CDC25A: variants seen among roughly 807,000 people sequenced by gnomAD.
The protein encoded by CDC25A is M-phase inducer phosphatase 1.
In CDC25A, 17 loss-of-function variants were observed where a neutral mutation model predicts 64.6. That is an observed-to-expected ratio of 0.26 (90% CI 0.18 to 0.39). The LOEUF (loss-of-function observed/expected upper bound fraction) is 0.39. CDC25A is among the 10% of genes least tolerant of loss of function. CDC25A has a pLI of 1.00. For missense variants in CDC25A, 473 were observed against 654.8 expected, an observed-to-expected ratio of 0.72 and a Z score of 3.03; for synonymous variants, 229 against 238.6, an observed-to-expected ratio of 0.96 and a Z score of 0.37.
chr3:48,171,999 T>A (rs2032286646), intron 9 of CDC25A, among the ~76,000 whole-genome samples: 1 of 151,702 alleles, frequency 6.6e-6, no homozygotes. Context: ...CTACAAAAAA[T>A]AAAAAAAAAT....
intron 9 of CDC25A, among the ~76,000 whole-genome samples, chr3:48,171,229 G>T (rs1460438873): frequency 1.3e-5 from 2 of 151,766 alleles, no homozygotes; most frequent in African/African-American, 4.8e-5. Context: ...AAAAAAATTA[G>T]CCAGGCGTGG....
At chr3:48,165,587 A>C (rs755778161) in intron 12 of CDC25A, 49 bp downstream of exon 12, 30 of 1,335,510 alleles carry the variant, frequency 2.2e-5, no homozygotes, top group Non-Finnish European at 3.1e-5. Context: ...CTTTAAAACC[A>C]CAGATCCTGT....
At chr3:48,162,628 G>A (rs907132426) in intron 13 of CDC25A, among the ~76,000 whole-genome samples, 7 of 151,342 alleles carry the variant, frequency 4.6e-5, no homozygotes, top group African/African-American at 1.2e-4. Flanking sequence ...CGGGCAGATC[G>A]CAAGGTCAGG....
chr3:48,167,736 C>T, intron 10 of CDC25A, 110 bp downstream of exon 10: 1 of 674,332 alleles, frequency 1.5e-6, no homozygotes, highest in South Asian at 1.7e-5. Flanking sequence ...TTAACTGTGT[C>T]CTTTTGGAGG....
chr3:48,166,567 C>T (rs1053917827), intron 10 of CDC25A, among the ~76,000 whole-genome samples: 2 of 152,170 alleles, frequency 1.3e-5, no homozygotes, highest in African/African-American at 4.8e-5. Flanking sequence ...TTACTGAGCA[C>T]CTGCTATGTC....
At chr3:48,180,254 T>A (rs2032614290) in intron 6 of CDC25A, 1 of 152,784 alleles carries the variant, frequency 6.5e-6, no homozygotes, top group Non-Finnish European at 1.5e-5. Flanking sequence ...TTGGAAGAAG[T>A]CAAGTGCTCT....
Position 48,180,733 on chromosome 3 carries a change from G to A in CDC25A, c.537C>T (p.Ala179=), listed in dbSNP as rs370053913. The A allele has an allele frequency of 5.0e-6, 8 of 1,613,966 alleles. No individual in the cohort carries two copies. The highest frequency in any genetic ancestry group is 6.8e-6 in the Non-Finnish European group (8 of 1,179,898). ...CCAGAGCACATACCATCCGAGCTGG[G>A]GCAGAGTTCTGCCTCTGTGTGAAGA... ...KDLFTQRQNS[A]PARMLSSNER... Residue 179 remains alanine, a synonymous_variant, in exon 6 of 15, where the codon GCC becomes GCT. Transcript: ENST00000302506.
Position 48,175,713 on chromosome 3 carries a change from T to A in CDC25A, c.757-1256A>T, listed in dbSNP as rs186796372. The stretch of plus-strand genomic sequence containing the variant: ...CCATGCTTATGACTCTAAAATCAAA[T>A]CTATAAAACTAACAGCCACTTCCAA... On this transcript the variant is annotated intron_variant, in intron 8 of 14. Transcript: ENST00000302506. 7.9e-5 allele frequency among the ~76,000 whole-genome samples: 12 copies of A among 152,306 alleles called. No homozygotes were observed. In the East Asian group the frequency reaches 2.3e-3, roughly 29 times the overall value.
At chr3:48,180,207 TGG>T (rs2032611434) in intron 6 of CDC25A, 1 of 152,326 alleles carries the variant, frequency 6.6e-6, no homozygotes, top group Admixed American at 6.5e-5. Flanking sequence ...GCATGAGCCA[TGG>T]CACCTGGCCC....
chr3:48,177,510 G>T (rs1273460469), intron 7 of CDC25A, 68 bp from the exon 8 acceptor site: 2 of 1,208,648 alleles, frequency 1.7e-6, no homozygotes, highest in Non-Finnish European at 2.4e-6. Flanking sequence ...AGTGCTTTAG[G>T]TGTGTTTCTC....
rs754204789 is a variant in CDC25A, at chr3:48,157,590, CTCTAGAATCAATGAAG to C, written c.*1339_*1354del. 13 of 152,664 alleles carry C rather than the reference CTCTAGAATCAATGAAG, an allele frequency of 8.5e-5. No individual in the cohort carries two copies. Among genetic ancestry groups the C allele is most frequent in the Non-Finnish European group, 1.9e-4 (13 of 68,062 alleles). 9.5% of individuals were successfully genotyped at this position (152,664 alleles called of 1,614,324 possible). ...GATGAGTAGGCACTGAAACAGGTCT[CTCTAGAATCAATGAAG>C]TCTGCCCCAGCTCCTTGGATGAGGT... On this transcript the variant is annotated 3_prime_UTR_variant, in exon 15 of 15. Transcript: ENST00000302506.
chr3:48,170,727 T>C (rs2032239522), intron 9 of CDC25A, among the ~76,000 whole-genome samples: 1 of 152,220 alleles, frequency 6.6e-6, no homozygotes, highest in Non-Finnish European at 1.5e-5. Context: ...TTCCAACCTC[T>C]AATCATGTCT....
At chr3:48,176,531 G>GTATATATATATATATATATA (rs55938075) in intron 8 of CDC25A, among the ~76,000 whole-genome samples, 2 of 138,122 alleles carry the variant, frequency 1.4e-5, no homozygotes, top group African/African-American at 5.3e-5. Flanking sequence ...GTGTGTGTGA[G>GTATATATATATATATATATA]TATATATATA....
chr3:48,177,913 C>T lies in CDC25A; in HGVS notation c.625G>A (p.Ala209Thr). The T allele has an allele frequency of 6.2e-7, 1 of 1,613,914 alleles. No homozygotes were observed. The highest frequency in any genetic ancestry group is 2.2e-5 in the East Asian group (1 of 44,878). ...PLFTPQSPVT[A>T]TLSDEDDGFV... ...CCATCATCCTCATCAGACAAAGTGGCTGTCACAGGTGACTGGGGTGTAAAA... is the reference window on the plus strand; with the variant it reads ...CCATCATCCTCATCAGACAAAGTGGTTGTCACAGGTGACTGGGGTGTAAAA... The change falls in exon 7 of 15, where the codon GCC becomes ACC. Residue 209 changes from alanine to threonine, a missense_variant. Coordinates refer to ENST00000302506, the MANE Select transcript of CDC25A (RefSeq NM_001789.3).
At chr3:48,175,805 T>G (rs1327156712) in intron 8 of CDC25A, among the ~76,000 whole-genome samples, 2 of 152,236 alleles carry the variant, frequency 1.3e-5, no homozygotes, top group Non-Finnish European at 2.9e-5. Context: ...TCATAACATT[T>G]GTACTGCGTT....
At chr3:48,183,668 A>C in intron 4 of CDC25A, 132 bp downstream of exon 4, 1 of 629,176 alleles carries the variant, frequency 1.6e-6, no homozygotes, top group Non-Finnish European at 2.9e-6. Context: ...GTGACAGAGC[A>C]AGACCTTGTC....
At position 48,187,770 on chromosome 3, in the gene CDC25A, C is replaced by G; in HGVS notation, c.170+8G>C. On this transcript the variant is annotated splice_region_variant and intron_variant, in intron 1 of 14. Coordinates refer to ENST00000302506, the MANE Select transcript of CDC25A (RefSeq NM_001789.3). The stretch of plus-strand genomic sequence containing the variant: ...GGCCCGGAGCACCGCCCGCCGGTCT[C>G]TCCTTACCTGCCCAGACCCTGCAGC... The G allele has an allele frequency of 6.5e-7, 1 of 1,541,676 alleles. No individual in the cohort carries two copies. The highest frequency in any genetic ancestry group is 8.8e-7 in the Non-Finnish European group (1 of 1,142,192).
chr3:48,177,465 T>A, intron 7 of CDC25A, 23 bp from the exon 8 acceptor site: 1 of 1,588,330 alleles, frequency 6.3e-7, no homozygotes. Context: ...AAAAACTGAT[T>A]TTAAAAAGAG....
chr3:48,164,104 C>T (rs1270268866), intron 13 of CDC25A, among the ~76,000 whole-genome samples: 2 of 152,182 alleles, frequency 1.3e-5, no homozygotes, highest in African/African-American at 4.8e-5. Flanking sequence ...ACAGTAGCCC[C>T]ACAGATCAGA....
Sources: allele counts gnomAD v4.1 joint callset (sites outside exome capture counted in the v4.1 genomes callset), GRCh38; gene constraint gnomAD v4.1.1; transcripts MANE v1.5; gene names NCBI Gene and HGNC (gene_info 2026-07-23, HGNC 2026-07-21).